The following CCDC181 variants were observed in gnomAD, a reference collection of about 807,000 sequenced individuals.
The protein encoded by CCDC181 is coiled-coil domain containing 181, also known as coiled-coil domain-containing protein 181.
In CCDC181, 35 loss-of-function variants were observed where a neutral mutation model predicts 58.7. The observed-to-expected ratio is 0.60, with a 90% confidence interval of 0.46 to 0.79. The LOEUF (loss-of-function observed/expected upper bound fraction) is 0.79. Ranked by LOEUF, CCDC181 falls within the 30% of genes least tolerant of loss-of-function variation. The pLI is 0.00. For missense variants in CCDC181, 517 were observed against 583.9 expected, an observed-to-expected ratio of 0.89 and a Z score of 1.18; for synonymous variants, 183 against 197.5, an observed-to-expected ratio of 0.93 and a Z score of 0.62.
chr1:169,418,860 G>GTTA, intron 4 of CCDC181, 153 bp downstream of exon 4: 1 of 592,914 alleles, frequency 1.7e-6, no homozygotes, highest in East Asian at 2.8e-5. Flanking sequence ...CCTAATTGTA[G>GTTA]TTATCTGCAT....
chr1:169,421,352 T>G lies in CCDC181; in HGVS notation c.1068+11A>C. ...CTCTACTTTTAATATAATGCCCACT[T>G]AGGTTCTCACCTCTCTTTTCAGTTT... is the stretch of plus-strand genomic sequence containing the variant. On this transcript the variant is annotated intron_variant, in intron 3 of 5. Transcript: ENST00000367806. 1 of 1,575,870 alleles carries G rather than the reference T, an allele frequency of 6.3e-7. No homozygotes were observed. The highest frequency in any genetic ancestry group is 8.6e-7 in the Non-Finnish European group (1 of 1,156,300).
upstream of CCDC181, among the ~76,000 whole-genome samples, chr1:169,432,104 A>G (rs958444110): frequency 3.9e-5 from 6 of 152,312 alleles, no homozygotes; most frequent in East Asian, 7.7e-4. Flanking sequence ...ATGTGGAGAA[A>G]GTGAAGAAAA....
At chr1:169,398,842 A>T (rs1348558235) in intron 4 of CCDC181, among the ~76,000 whole-genome samples, 1 of 152,230 alleles carries the variant, frequency 6.6e-6, no homozygotes, top group African/African-American at 2.4e-5. Flanking sequence ...ATTCAAAAGA[A>T]AATATGGGAA....
At chr1:169,456,147 C>T (rs1036228928) in intron 2 of CCDC181, among the ~76,000 whole-genome samples, 6 of 152,076 alleles carry the variant, frequency 3.9e-5, no homozygotes, top group African/African-American at 1.4e-4. Flanking sequence ...AAGATTTATC[C>T]TTTCTTCCTC....
At chr1:169,417,855 T>C (rs977913448) in intron 4 of CCDC181, among the ~76,000 whole-genome samples, 1 of 152,080 alleles carries the variant, frequency 6.6e-6, no homozygotes, top group Non-Finnish European at 1.5e-5. Flanking sequence ...CTCAAGAAAT[T>C]AAAAAGGTTT....
chr1:169,418,757 C>T (rs1656326463), intron 4 of CCDC181: 1 of 478,788 alleles, frequency 2.1e-6, no homozygotes, highest in African/African-American at 2.0e-5. Context: ...CAAAGTTACA[C>T]CTTGAAAAAA....
chr1:169,448,406 GA>G (rs1304709244), intron 2 of CCDC181, among the ~76,000 whole-genome samples: 2 of 152,020 alleles, frequency 1.3e-5, no homozygotes, highest in East Asian at 3.9e-4. Context: ...GTTTTTCTGA[GA>G]AAGTAATTTT....
At chr1:169,412,553 G>A (rs1329993360) in intron 4 of CCDC181, among the ~76,000 whole-genome samples, 1 of 152,142 alleles carries the variant, frequency 6.6e-6, no homozygotes, top group Non-Finnish European at 1.5e-5. Flanking sequence ...CAAAAAAAGA[G>A]CCTGCATAGC....
At chr1:169,458,154 G>C (rs1209561074) in intron 2 of CCDC181, among the ~76,000 whole-genome samples, 2 of 149,512 alleles carry the variant, frequency 1.3e-5, no homozygotes, top group Non-Finnish European at 3.0e-5. Flanking sequence ...CCAACCAAAG[G>C]CTGGGGCAAA....
intron 4 of CCDC181, among the ~76,000 whole-genome samples, chr1:169,407,726 C>T (rs1228719366): frequency 6.6e-6 from 1 of 152,166 alleles, no homozygotes; most frequent in Non-Finnish European, 1.5e-5. Context: ...GTAACTGAGG[C>T]ACTCGGCTCA....
chr1:169,406,514 G>A (rs977684040), intron 4 of CCDC181, among the ~76,000 whole-genome samples: 3 of 152,280 alleles, frequency 2.0e-5, no homozygotes, highest in South Asian at 2.1e-4. Flanking sequence ...GGATGAAGCT[G>A]GAGACCATCA....
At chr1:169,443,638 TGCAGATTAATA>T (rs1657292789) in intron 2 of CCDC181, among the ~76,000 whole-genome samples, 1 of 152,146 alleles carries the variant, frequency 6.6e-6, no homozygotes, top group South Asian at 2.1e-4. Flanking sequence ...CTTTTCTCAG[TGCAGATTAATA>T]GCAGAAGCTG....
intron 2 of CCDC181, among the ~76,000 whole-genome samples, chr1:169,443,577 C>G (rs1657291499): frequency 6.6e-6 from 1 of 152,070 alleles, no homozygotes; most frequent in Non-Finnish European, 1.5e-5. Context: ...AAAATATCTA[C>G]CCATATCATT....
intron 2 of CCDC181, among the ~76,000 whole-genome samples, chr1:169,434,768 T>TG (rs1657010758): frequency 6.6e-6 from 1 of 152,044 alleles, no homozygotes; most frequent in South Asian, 2.1e-4. Context: ...AAAGCAAGGA[T>TG]GCCTGCTTTC....
intron 4 of CCDC181, among the ~76,000 whole-genome samples, chr1:169,409,784 C>T (rs1459316982): frequency 1.3e-5 from 2 of 152,128 alleles, no homozygotes; most frequent in African/African-American, 4.8e-5. Context: ...TCCAGCCAAA[C>T]TAAGCTTCAT....
At chr1:169,400,911 A>G (rs959308162) in intron 4 of CCDC181, among the ~76,000 whole-genome samples, 24 of 152,254 alleles carry the variant, frequency 1.6e-4, no homozygotes, top group African/African-American at 5.8e-4. Flanking sequence ...AAGGGAAGCT[A>G]TGACAGATGG....
intron 1 of CCDC181, among the ~76,000 whole-genome samples, chr1:169,425,634 C>T (rs1194178110): frequency 6.6e-6 from 1 of 152,040 alleles, no homozygotes; most frequent in Non-Finnish European, 1.5e-5. Context: ...TATCTAACTA[C>T]CTACCAATTA....
intron 4 of CCDC181, among the ~76,000 whole-genome samples, chr1:169,403,574 G>A (rs1200031083): frequency 1.3e-5 from 2 of 151,912 alleles, no homozygotes; most frequent in African/African-American, 4.8e-5. Flanking sequence ...GGTAGATAAC[G>A]AAATGAAGGC....
intron 1 of CCDC181, among the ~76,000 whole-genome samples, chr1:169,425,255 A>G (rs898620628): frequency 6.6e-6 from 1 of 152,086 alleles, no homozygotes; most frequent in Admixed American, 6.5e-5. Context: ...GAATTAATAA[A>G]TAATCCACCA....
Sources: gnomAD v4.1 joint callset for allele counts (sites outside exome capture counted in the v4.1 genomes callset) on GRCh38, gnomAD v4.1.1 for gene constraint, MANE v1.5 for transcripts, NCBI Gene and HGNC (gene_info 2026-07-23, HGNC 2026-07-21) for gene names.